Variants in CCDC144A observed in about 807,000 individuals in gnomAD.
CCDC144A encodes coiled-coil domain-containing protein 144A.
CCDC144A carries 41 observed loss-of-function variants against 143.8 expected under a neutral mutation model. The ratio of observed to expected loss-of-function variants is 0.29; its 90% CI spans 0.22 to 0.37. The LOEUF is 0.37. CCDC144A is among the 10% of genes least tolerant of loss of function. The pLI is 1.00. For synonymous variants in CCDC144A, 242 were observed against 517.9 expected (o/e 0.47, Z 7.23); for missense variants, 637 against 1,488.8 (o/e 0.43, Z 9.41).
At chr17:16,691,597 TA>T (rs1338329052) in intron 1 of CCDC144A, among the ~76,000 whole-genome samples, 32 of 149,280 alleles carry the variant, frequency 2.1e-4, no homozygotes, top group Admixed American at 1.3e-3. Flanking sequence ...CCGTCACTAC[TA>T]AAAAATACAA....
At chr17:16,730,546 G>C (rs1480719380) in intron 9 of CCDC144A, among the ~76,000 whole-genome samples, 2 of 130,368 alleles carry the variant, frequency 1.5e-5, no homozygotes, top group African/African-American at 6.9e-5. Context: ...ATGTTAATAG[G>C]AATTGCATGG....
chr17:16,758,262 G>A (rs1915192155), intron 12 of CCDC144A, among the ~76,000 whole-genome samples: 1 of 152,200 alleles, frequency 6.6e-6, no homozygotes, highest in Non-Finnish European at 1.5e-5. Flanking sequence ...TATTTAATAT[G>A]GCAGAAGACT....
At chr17:16,680,167 G>T in the CCDC144A span, among the ~76,000 whole-genome samples, 1 of 151,846 alleles carries the variant, frequency 6.6e-6, no homozygotes, top group Non-Finnish European at 1.5e-5. Context: ...GGTGGCTCAT[G>T]CCTATAATCC....
the CCDC144A span, among the ~76,000 whole-genome samples, chr17:16,668,574 G>A: frequency 2.0e-5 from 3 of 152,066 alleles, no homozygotes; most frequent in African/African-American, 7.2e-5. Flanking sequence ...TAATGAAAGT[G>A]CATTTTTAAT....
intron 14 of CCDC144A, among the ~76,000 whole-genome samples, chr17:16,762,785 A>G (rs1193820388): frequency 6.6e-6 from 1 of 152,056 alleles, no homozygotes; most frequent in Non-Finnish European, 1.5e-5. Context: ...TTTTGGTTTT[A>G]TGTGGCTTCC....
chr17:16,674,760 A>T, the CCDC144A span, among the ~76,000 whole-genome samples: 1 of 152,112 alleles, frequency 6.6e-6, no homozygotes, highest in South Asian at 2.1e-4. Context: ...TTCAATAATA[A>T]ATATATGGTA....
chr17:16,677,270 C>T, the CCDC144A span, among the ~76,000 whole-genome samples: 2,301 of 152,252 alleles, frequency 0.015, 46 homozygotes, highest in African/African-American at 0.05. Flanking sequence ...AAAGTTCCGT[C>T]TGTTCCATGA....
At chr17:16,721,130 T>C (rs1913068486) in intron 8 of CCDC144A, among the ~76,000 whole-genome samples, 1 of 152,138 alleles carries the variant, frequency 6.6e-6, no homozygotes, top group Non-Finnish European at 1.5e-5. Context: ...GCATCGTTTT[T>C]ACTCTTCTCT....
At chr17:16,690,844 CA>C (rs1164777246) in intron 1 of CCDC144A, 100 bp downstream of exon 1, 1 of 1,135,686 alleles carries the variant, frequency 8.8e-7, no homozygotes, top group Non-Finnish European at 1.3e-6. Context: ...TCAGAGGGGT[CA>C]GGGGCCCAGG....
Position 16,691,588 on chromosome 17 carries a change from C to T in CCDC144A, c.344+844C>T, listed in dbSNP as rs151111587. Among the ~76,000 whole-genome samples the T allele has an allele frequency of 8.0e-3, 1,211 of 151,180 alleles. 23 individuals are homozygous for T. Among genetic ancestry groups the T allele is most frequent in the African/African-American group, 0.029 (1,182 of 41,084 alleles). The stretch of plus-strand genomic sequence containing the variant: ...CATCCTGGCTAACACGGTGAAACCC[C>T]GTCACTACTAAAAAATACAAAAAAA... On this transcript the variant is annotated intron_variant, in intron 1 of 16. Coordinates refer to ENST00000399273, the MANE Select transcript of CCDC144A (RefSeq NM_001382000.1).
chr17:16,766,746 G>A (rs1320558725), intron 15 of CCDC144A, among the ~76,000 whole-genome samples: 1 of 151,830 alleles, frequency 6.6e-6, no homozygotes, highest in Non-Finnish European at 1.5e-5. Context: ...TCTCATGGGT[G>A]GGGGAAAAAA....
At position 16,773,664 on chromosome 17, in the gene CCDC144A, C is replaced by T. The variant is rs1381173834; in HGVS notation, c.*31C>T. The T allele has an allele frequency of 6.9e-7, 1 of 1,448,904 alleles. No individual in the cohort carries two copies. The highest frequency in any genetic ancestry group is 1.5e-5 in the African/African-American group (1 of 68,592). 89.8% of individuals were successfully genotyped at this position (1,448,904 alleles called of 1,614,324 possible). ...AAGGCAATTTTATTTGGGCTATTCACATGATATTTTGTTTCCCATTAAATA... is the reference window on the plus strand; with the variant it reads ...AAGGCAATTTTATTTGGGCTATTCATATGATATTTTGTTTCCCATTAAATA... On this transcript the variant is annotated 3_prime_UTR_variant, in exon 17 of 17. Coordinates refer to ENST00000399273, the MANE Select transcript of CCDC144A (RefSeq NM_001382000.1).
intron 12 of CCDC144A, among the ~76,000 whole-genome samples, chr17:16,755,662 C>T (rs1915044060): frequency 6.6e-6 from 1 of 152,252 alleles, no homozygotes; most frequent in South Asian, 2.1e-4. Context: ...CAGGTTCAAG[C>T]AATTCTTGTG....
intron 6 of CCDC144A, among the ~76,000 whole-genome samples, chr17:16,715,243 T>C (rs539888454): frequency 8.6e-5 from 13 of 151,240 alleles, no homozygotes; most frequent in South Asian, 6.3e-4. Flanking sequence ...TCAATAAATA[T>C]TTATTAAATG....
the CCDC144A span, among the ~76,000 whole-genome samples, chr17:16,681,954 T>C: frequency 1.6e-3 from 248 of 151,482 alleles, 4 homozygotes; most frequent in Middle Eastern, 0.027. Context: ...AAAAGGGCAA[T>C]GATAAAAGCT....
At chr17:16,739,975 T>A (rs1169143952) in intron 12 of CCDC144A, among the ~76,000 whole-genome samples, 1 of 151,340 alleles carries the variant, frequency 6.6e-6, no homozygotes, top group Non-Finnish European at 1.5e-5. Context: ...CAGATCCCAT[T>A]AATTTTTTTT....
intron 2 of CCDC144A, among the ~76,000 whole-genome samples, chr17:16,700,834 C>T (rs1475545578): frequency 6.6e-6 from 1 of 151,870 alleles, no homozygotes; most frequent in Non-Finnish European, 1.5e-5. Flanking sequence ...ATCTGATTAA[C>T]CTTTCAGTAA....
chr17:16,720,598 T>C lies in CCDC144A; in HGVS notation c.1831T>C (p.Ser611Pro). 1 of 1,609,338 alleles carries C rather than the reference T, an allele frequency of 6.2e-7. No individual in the cohort carries two copies. The highest frequency in any genetic ancestry group is 8.5e-7 in the Non-Finnish European group (1 of 1,177,644). ...AATAGCCTCAGAGGATTGTGAATTGTCTCACTCTGTTTATGAGAATTTTAT... is the reference window on the plus strand; with the variant it reads ...AATAGCCTCAGAGGATTGTGAATTGCCTCACTCTGTTTATGAGAATTTTAT... Reference protein sequence around the residue: ...SEIASEDCELSHSVYENFMLL... With the variant: ...SEIASEDCELPHSVYENFMLL... The change falls in exon 8 of 17, where the codon TCT becomes CCT. Residue 611 changes from serine to proline, a missense_variant. Physicochemically the swap from Ser to Pro is moderately conservative, Grantham distance 74 (BLOSUM62 -1). Coordinates refer to ENST00000399273, the MANE Select transcript of CCDC144A (RefSeq NM_001382000.1).
At chr17:16,705,769 G>A (rs2143101485) in intron 3 of CCDC144A, 1 of 275,026 alleles carries the variant, frequency 3.6e-6, no homozygotes, top group East Asian at 1.0e-4. Flanking sequence ...TGAATTCACA[G>A]CTGTTAGTTA....
Sources: allele counts gnomAD v4.1 joint callset (sites outside exome capture counted in the v4.1 genomes callset), GRCh38; gene constraint gnomAD v4.1.1; transcripts MANE v1.5; gene names NCBI Gene and HGNC (gene_info 2026-07-23, HGNC 2026-07-21).